The following SULF1 variants were observed in gnomAD, a reference collection of about 807,000 sequenced individuals.
SULF1 encodes the protein extracellular sulfatase Sulf-1.
In SULF1, 46 loss-of-function variants were observed where a neutral mutation model predicts 110.5. The ratio of observed to expected loss-of-function variants is 0.42; its 90% CI spans 0.33 to 0.53. SULF1 has a LOEUF of 0.53. SULF1 is among the 20% of genes least tolerant of loss of function. SULF1 has a pLI of 0.12. For missense variants in SULF1, 941 were observed against 1,094.2 expected (o/e 0.86, Z 1.98); for synonymous variants, 371 against 387.1 (o/e 0.96, Z 0.49).
intron 6 of SULF1, among the ~76,000 whole-genome samples, chr8:69,585,423 T>C (rs1207873825): frequency 6.6e-6 from 1 of 152,172 alleles, no homozygotes; most frequent in East Asian, 1.9e-4. Context: ...GTAATGTCTT[T>C]TTCACTTCAA....
At chr8:69,553,097 TTC>T (rs1180014613) in intron 3 of SULF1, among the ~76,000 whole-genome samples, 2 of 152,240 alleles carry the variant, frequency 1.3e-5, no homozygotes, top group East Asian at 3.9e-4. Flanking sequence ...GAACACCTCC[TTC>T]ACATTAGCTC....
intron 3 of SULF1, among the ~76,000 whole-genome samples, chr8:69,533,040 A>G (rs1813201701): frequency 6.6e-6 from 1 of 152,260 alleles, no homozygotes; most frequent in Non-Finnish European, 1.5e-5. Context: ...CACATGATCA[A>G]GAACACTTGC....
At chr8:69,517,183 A>G (rs1343494859) in intron 3 of SULF1, among the ~76,000 whole-genome samples, 2 of 152,232 alleles carry the variant, frequency 1.3e-5, no homozygotes, top group African/African-American at 4.8e-5. Flanking sequence ...TGTGCAAGAC[A>G]TAGAAAGAAT....
chr8:69,650,241 T>C (rs778231656), intron 22 of SULF1, among the ~76,000 whole-genome samples: 1 of 151,764 alleles, frequency 6.6e-6, no homozygotes, highest in Non-Finnish European at 1.5e-5. Context: ...CTCAAGCGAT[T>C]CTCCCATCTC....
chr8:69,571,252 T>C (rs952333725), intron 5 of SULF1, among the ~76,000 whole-genome samples: 7 of 152,136 alleles, frequency 4.6e-5, no homozygotes, highest in Non-Finnish European at 7.3e-5. Context: ...GGTGAGCACA[T>C]AGGGCAACCA....
rs74480225 is a variant in SULF1 at position 69,638,621 on chromosome 8, G to T, written c.2404G>T (p.Asp802Tyr). Residue 802 changes from aspartate (D) to tyrosine (Y), a missense_variant, in exon 20 of 23, where the codon GAT becomes TAT. By Grantham distance (160) the Asp-to-Tyr change is radical. Transcript: ENST00000402687. ...TGCTACTGGCTTTTTGGAGTATTTT[G>T]ATATGAATACAGATCCTTATCAGGT... ...EFATGFLEYFDMNTDPYQLTN... is the reference protein window; with the variant it reads ...EFATGFLEYFYMNTDPYQLTN... The T allele has an allele frequency of 6.2e-7, 1 of 1,613,576 alleles. No individual in the cohort carries two copies. Among genetic ancestry groups the T allele is most frequent in the Non-Finnish European group, 8.5e-7 (1 of 1,179,922 alleles).
chr8:69,578,132 C>T lies in SULF1; in HGVS notation c.412+1923C>T, dbSNP rs180890214. Among the ~76,000 whole-genome samples, 26 of 152,268 alleles carry T rather than the reference C, an allele frequency of 1.7e-4. No homozygotes were observed. In the East Asian group the frequency reaches 2.9e-3, roughly 17 times the overall value. The stretch of plus-strand genomic sequence containing the variant: ...ATCCATTGTAAAGTTCACCCAGTCA[C>T]CGGGATAAAAACAATTCAGTTGCCT... On this transcript the variant is annotated intron_variant, in intron 6 of 22. Coordinates refer to ENST00000402687, the MANE Select transcript of SULF1 (RefSeq NM_001128205.2).
intron 3 of SULF1, among the ~76,000 whole-genome samples, chr8:69,555,972 G>A (rs1563527016): frequency 6.6e-6 from 1 of 152,092 alleles, no homozygotes; most frequent in Non-Finnish European, 1.5e-5. Flanking sequence ...AGACTAAAAC[G>A]AAACATGTAT....
intron 1 of SULF1, among the ~76,000 whole-genome samples, chr8:69,483,187 C>T (rs535966593): frequency 2.0e-5 from 3 of 152,204 alleles, no homozygotes; most frequent in East Asian, 1.9e-4. Flanking sequence ...ACCAAGGGAA[C>T]GAGGGAGACT....
chr8:69,475,571 A>ACACAGG (rs1260838861), intron 1 of SULF1, among the ~76,000 whole-genome samples: 3 of 152,220 alleles, frequency 2.0e-5, no homozygotes, highest in Non-Finnish European at 2.9e-5. Flanking sequence ...CAAGCCCAGG[A>ACACAGG]CACAGGGAAA....
At chr8:69,638,696 G>T in intron 20 of SULF1, 39 bp from the exon 21 acceptor site, 1 of 1,613,024 alleles carries the variant, frequency 6.2e-7, no homozygotes, top group Non-Finnish European at 8.5e-7. Flanking sequence ...AGGATAACCA[G>T]ACATAAGCTT....
intron 13 of SULF1, among the ~76,000 whole-genome samples, chr8:69,614,854 T>C (rs968803460): frequency 6.6e-6 from 1 of 152,244 alleles, no homozygotes; most frequent in African/African-American, 2.4e-5. Flanking sequence ...CCATAATTGC[T>C]GTGCAGAAAT....
intron 3 of SULF1, among the ~76,000 whole-genome samples, chr8:69,535,238 C>T (rs978316431): frequency 1.3e-5 from 2 of 152,194 alleles, no homozygotes; most frequent in Non-Finnish European, 2.9e-5. Context: ...TGTGGCTGCT[C>T]CAGCTCCAGC....
At chr8:69,580,392 T>A (rs1174294072) in intron 6 of SULF1, among the ~76,000 whole-genome samples, 2 of 152,120 alleles carry the variant, frequency 1.3e-5, no homozygotes, top group Non-Finnish European at 2.9e-5. Context: ...AAAATAATTA[T>A]CCATGGTTGA....
chr8:69,547,628 A>G (rs894907014), intron 3 of SULF1, among the ~76,000 whole-genome samples: 2 of 152,166 alleles, frequency 1.3e-5, no homozygotes, highest in African/African-American at 4.8e-5. Flanking sequence ...AGAGTATCAC[A>G]CACACCCCAG....
chr8:69,646,273 G>A (rs866269566), intron 22 of SULF1, among the ~76,000 whole-genome samples: 1 of 152,196 alleles, frequency 6.6e-6, no homozygotes, highest in African/African-American at 2.4e-5. Context: ...TGGTTTGTGG[G>A]TCAGTTCTGG....
At chr8:69,584,753 C>T (rs563750549) in intron 6 of SULF1, among the ~76,000 whole-genome samples, 2 of 152,284 alleles carry the variant, frequency 1.3e-5, no homozygotes, top group East Asian at 1.9e-4. Flanking sequence ...GAGTACTGCA[C>T]TGAATGCATA....
At chr8:69,618,392 ATAAC>A (rs1269830451) in intron 13 of SULF1, among the ~76,000 whole-genome samples, 2 of 152,264 alleles carry the variant, frequency 1.3e-5, no homozygotes, top group African/African-American at 4.8e-5. Context: ...ACAATACAGA[ATAAC>A]TACTAATTAC....
At chr8:69,514,078 C>T (rs1226939482) in intron 3 of SULF1, among the ~76,000 whole-genome samples, 6 of 152,192 alleles carry the variant, frequency 3.9e-5, no homozygotes, top group Non-Finnish European at 8.8e-5. Flanking sequence ...TGCTCACTTT[C>T]AGCACTGAGA....
Sources: gnomAD v4.1 joint callset for allele counts (sites outside exome capture counted in the v4.1 genomes callset) on GRCh38, gnomAD v4.1.1 for gene constraint, MANE v1.5 for transcripts, NCBI Gene and HGNC (gene_info 2026-07-23, HGNC 2026-07-21) for gene names.